Variants in EXT1 observed in about 807,000 individuals in gnomAD.
The protein encoded by EXT1 is exostosin-1.
Under a neutral mutation model 82.5 loss-of-function variants are expected in EXT1, and 20 were observed. The observed-to-expected ratio is 0.24, with a 90% CI of 0.17 to 0.35. The LOEUF (loss-of-function observed/expected upper bound fraction) is 0.35, where lower values mean the gene tolerates loss of function less well. EXT1 is among the 10% of genes least tolerant of loss of function. The pLI is 1.00. For synonymous variants in EXT1, 348 were observed against 350.8 expected, an observed-to-expected ratio of 0.99 and a Z score of 0.09; for missense variants, 757 against 936.5, an observed-to-expected ratio of 0.81 and a Z score of 2.50.
chr8:118,072,113 C>T (rs1249217570), intron 1 of EXT1, among the ~76,000 whole-genome samples: 1 of 152,178 alleles, frequency 6.6e-6, no homozygotes, highest in Non-Finnish European at 1.5e-5. Flanking sequence ...GACTCCCCGC[C>T]TTGGTTCCCT....
chr8:117,851,649 A>ACACACC (rs1338244180), intron 1 of EXT1, among the ~76,000 whole-genome samples: 1 of 144,502 alleles, frequency 6.9e-6, no homozygotes, highest in Non-Finnish European at 1.5e-5. Flanking sequence ...ACACACACAC[A>ACACACC]CCATTATTTA....
intron 4 of EXT1, among the ~76,000 whole-genome samples, chr8:117,824,853 CTTTTTT>C (rs775491045): frequency 1.1e-4 from 17 of 151,524 alleles, no homozygotes; most frequent in Non-Finnish European, 2.2e-4. Context: ...TCTTCTTTTT[CTTTTTT>C]TGTTTTTGTT....
intron 1 of EXT1, among the ~76,000 whole-genome samples, chr8:117,977,279 T>G (rs1815083828): frequency 6.6e-6 from 1 of 150,646 alleles, no homozygotes; most frequent in Admixed American, 6.7e-5. Flanking sequence ...CCCAGCTACT[T>G]GGGAGGCTGA....
At chr8:118,101,894 T>C (rs1473600780) in intron 1 of EXT1, among the ~76,000 whole-genome samples, 1 of 150,408 alleles carries the variant, frequency 6.6e-6, no homozygotes. Context: ...AGAGAGACCC[T>C]AGTCAAGAAG....
At chr8:117,983,817 T>C (rs1374065737) in intron 1 of EXT1, among the ~76,000 whole-genome samples, 1 of 152,246 alleles carries the variant, frequency 6.6e-6, no homozygotes, top group Non-Finnish European at 1.5e-5. Context: ...TTAGGTATGA[T>C]GACACATCCT....
intron 1 of EXT1, among the ~76,000 whole-genome samples, chr8:118,073,531 G>T (rs911068229): frequency 2.0e-5 from 3 of 152,184 alleles, no homozygotes; most frequent in African/African-American, 7.2e-5. Flanking sequence ...TGAGGCACAA[G>T]AACTGCCTGA....
intron 1 of EXT1, among the ~76,000 whole-genome samples, chr8:117,911,444 A>G (rs1168312769): frequency 2.6e-5 from 4 of 152,176 alleles, no homozygotes; most frequent in Non-Finnish European, 5.9e-5. Flanking sequence ...CTATCCAATG[A>G]GCAACTGAGT....
rs1193399895 is a variant in EXT1 at position 117,968,609 on chromosome 8, A to G, written c.963-131408T>C. On this transcript the variant is annotated intron_variant, in intron 1 of 10. Coordinates refer to ENST00000378204, the MANE Select transcript of EXT1 (RefSeq NM_000127.3). ...TTTTGAGACGGAGTCTCACTCTGTC[A>G]CCCAGGCTGGAGTGCAGTGGCTTGA... 7.5e-5 allele frequency among the ~76,000 whole-genome samples: 7 copies of G among 93,914 alleles called. 2 individuals carry two copies. Among genetic ancestry groups the G allele is most frequent in the Non-Finnish European group, 7.3e-5 (4 of 54,476 alleles). The allele number at this position is 93,914 out of a possible 152,430, so 61.6% of individuals were successfully genotyped here.
chr8:117,847,132 G>T (rs909764424), intron 1 of EXT1, among the ~76,000 whole-genome samples: 1 of 152,196 alleles, frequency 6.6e-6, no homozygotes, highest in Non-Finnish European at 1.5e-5. Context: ...GTTGTTAAAT[G>T]AATGTAAGGT....
intron 1 of EXT1, among the ~76,000 whole-genome samples, chr8:117,985,588 T>C (rs952167503): frequency 6.6e-6 from 1 of 151,648 alleles, no homozygotes; most frequent in African/African-American, 2.4e-5. Flanking sequence ...GCCCAAGAGA[T>C]GAAGAACTGG....
intron 1 of EXT1, among the ~76,000 whole-genome samples, chr8:118,022,916 C>T (rs17476449): frequency 0.02 from 3,074 of 152,130 alleles, 79 homozygotes; most frequent in African/African-American, 0.07. Context: ...TTAGCACCCA[C>T]GTATATTTTA....
intron 1 of EXT1, among the ~76,000 whole-genome samples, chr8:118,068,845 A>C (rs1298195990): frequency 1.3e-5 from 2 of 152,122 alleles, no homozygotes; most frequent in East Asian, 3.8e-4. Flanking sequence ...AATTTTTTAG[A>C]AGAGTTGTTT....
chr8:117,919,481 C>T (rs970004476), intron 1 of EXT1, among the ~76,000 whole-genome samples: 3 of 151,022 alleles, frequency 2.0e-5, no homozygotes, highest in Admixed American at 6.6e-5. Context: ...TGAGCCACCA[C>T]GCTTGGCCAA....
At chr8:117,839,502 A>C (rs2129797663) in intron 1 of EXT1, among the ~76,000 whole-genome samples, 1 of 152,336 alleles carries the variant, frequency 6.6e-6, no homozygotes, top group Non-Finnish European at 1.5e-5. Flanking sequence ...TGCATGTCTA[A>C]CATATGTGTG....
chr8:118,054,401 C>T (rs571537490), intron 1 of EXT1, among the ~76,000 whole-genome samples: 1 of 152,284 alleles, frequency 6.6e-6, no homozygotes, highest in Non-Finnish European at 1.5e-5. Context: ...CAAGCCTATT[C>T]CAAGTGAAGT....
chr8:118,106,916 T>A (rs1036431297), intron 1 of EXT1, among the ~76,000 whole-genome samples: 1 of 152,224 alleles, frequency 6.6e-6, no homozygotes, highest in Non-Finnish European at 1.5e-5. Flanking sequence ...GATATTTTAA[T>A]ATAATCCTGA....
In EXT1 at chr8:117,798,646, A is replaced by G. The variant is rs1180016321; in HGVS notation, c.*1066T>C. ...GGTCCCAATGGCGAGACATCTCCTCAGTTACTTTGCAGCAATCCTCTTGTT... is the reference window on the plus strand; with the variant it reads ...GGTCCCAATGGCGAGACATCTCCTCGGTTACTTTGCAGCAATCCTCTTGTT... On this transcript the variant is annotated 3_prime_UTR_variant, in exon 11 of 11. Transcript: ENST00000378204. 2 of 152,240 alleles carry G rather than the reference A, an allele frequency of 1.3e-5. No homozygotes were observed. The highest frequency in any genetic ancestry group is 4.8e-5 in the African/African-American group (2 of 41,466). 9.4% of individuals were successfully genotyped at this position (152,240 alleles called of 1,614,324 possible).
At chr8:117,817,512 A>G (rs1811843807) in intron 7 of EXT1, among the ~76,000 whole-genome samples, 1 of 152,046 alleles carries the variant, frequency 6.6e-6, no homozygotes, top group Non-Finnish European at 1.5e-5. Context: ...TCTATAAGTA[A>G]CAAGCAGAAG....
chr8:117,956,512 G>C (rs1586308127), intron 1 of EXT1, among the ~76,000 whole-genome samples: 1 of 152,110 alleles, frequency 6.6e-6, no homozygotes, highest in East Asian at 1.9e-4. Context: ...GTATGATCTC[G>C]ACTCATTGGA....
Sources: allele counts gnomAD v4.1 joint callset (sites outside exome capture counted in the v4.1 genomes callset), GRCh38; gene constraint gnomAD v4.1.1; transcripts MANE v1.5; gene names NCBI Gene and HGNC (gene_info 2026-07-23, HGNC 2026-07-21).